P2RY8: variants seen among roughly 807,000 people sequenced by gnomAD.
P2RY8 encodes P2Y receptor family member 8, also known as S-geranylgeranyl-glutathione receptor P2RY8.
A neutral mutation model predicts 10.0 loss-of-function variants in P2RY8; 6 were observed. That is an observed-to-expected ratio of 0.60 (90% CI 0.33 to 1.19). The LOEUF is 1.19. Ranked by LOEUF, P2RY8 falls within the 50% of genes most tolerant of loss-of-function variation. P2RY8 has a pLI of 0.04. For synonymous variants in P2RY8, 276 were observed against 252.5 expected (o/e 1.09, Z -0.88); for missense variants, 456 against 542.0 (o/e 0.84, Z 1.58).
intron 1 of P2RY8, among the ~76,000 whole-genome samples, chrX:1,475,132 T>G (rs2091861177): frequency 6.6e-6 from 1 of 150,516 alleles, no homozygotes; most frequent in East Asian, 2.0e-4. Flanking sequence ...GGTGGATGGA[T>G]GGATCAGTGT....
chrX:1,480,315 T>A (rs372332238), intron 1 of P2RY8, among the ~76,000 whole-genome samples: 9 of 151,580 alleles, frequency 5.9e-5, no homozygotes, highest in African/African-American at 1.9e-4. Flanking sequence ...TTTTATTGGC[T>A]GAGTCAGAGT....
At chrX:1,469,571 C>A (rs1341227305) in intron 1 of P2RY8, among the ~76,000 whole-genome samples, 1 of 152,080 alleles carries the variant, frequency 6.6e-6, no homozygotes, top group Non-Finnish European at 1.5e-5. Flanking sequence ...TGTATCTCCT[C>A]CAGCCCTCTC....
Position 1,502,768 on chromosome X carries a change from A to T in P2RY8, c.-25+34153T>A, listed in dbSNP as rs1401376450. Among the ~76,000 whole-genome samples the T allele has an allele frequency of 6.6e-5, 10 of 152,292 alleles. No individual in the cohort carries two copies. The East Asian group carries it at 1.9e-3, about 29-fold the overall frequency. ...GCAATGACAGGTGTCCTTCTAAGAGACAGGAGAGGAGACACAGACACAGAG... is the reference window on the plus strand; with the variant it reads ...GCAATGACAGGTGTCCTTCTAAGAGTCAGGAGAGGAGACACAGACACAGAG... On this transcript the variant is annotated intron_variant, in intron 1 of 1. Coordinates refer to ENST00000381297, the MANE Select transcript of P2RY8 (RefSeq NM_178129.5).
At chrX:1,477,167 C>T (rs1215764211) in intron 1 of P2RY8, among the ~76,000 whole-genome samples, 8 of 149,116 alleles carry the variant, frequency 5.4e-5, no homozygotes, top group South Asian at 2.1e-4. Flanking sequence ...CCAGCCTGGG[C>T]GACAGAGCAA....
chrX:1,528,878 T>A (rs1351916379), intron 1 of P2RY8, among the ~76,000 whole-genome samples: 4 of 152,178 alleles, frequency 2.6e-5, no homozygotes, highest in African/African-American at 9.7e-5. Context: ...TTGAGTCTCT[T>A]TGAATGAGTT....
intron 1 of P2RY8, among the ~76,000 whole-genome samples, chrX:1,514,162 A>G (rs1289577478): frequency 6.6e-6 from 1 of 152,106 alleles, no homozygotes; most frequent in Admixed American, 6.6e-5. Context: ...ATCCAGGGCA[A>G]ACCAAGATGG....
intron 1 of P2RY8, among the ~76,000 whole-genome samples, chrX:1,495,917 C>T (rs377046089): frequency 0.2 from 21,372 of 107,900 alleles, 3,086 homozygotes; most frequent in East Asian, 0.37. Context: ...CACAGACACA[C>T]ACAGAGAGAT....
chrX:1,487,989 A>AATCCCAGCAACTTGGGAGGCTG (rs1457458308), intron 1 of P2RY8, among the ~76,000 whole-genome samples: 4 of 152,084 alleles, frequency 2.6e-5, no homozygotes, highest in Non-Finnish European at 5.9e-5. Context: ...GGGCGTCTGT[A>AATCCCAGCAACTTGGGAGGCTG]ATCCCAGCAA....
chrX:1,487,762 G>A (rs2091999300), intron 1 of P2RY8, among the ~76,000 whole-genome samples: 1 of 152,116 alleles, frequency 6.6e-6, no homozygotes, highest in Non-Finnish European at 1.5e-5. Flanking sequence ...CTGCTGGGCA[G>A]GTGCATTTGC....
At position 1,493,864 on chromosome X, in the gene P2RY8, C is replaced by T. The variant is rs1212377866; in HGVS notation, c.-24-27282G>A. Among the ~76,000 whole-genome samples, 3 of 152,302 alleles carry T rather than the reference C, an allele frequency of 2.0e-5. No individual in the cohort carries two copies. In the Middle Eastern group the frequency reaches 0.01, roughly 518 times the overall value. On this transcript the variant is annotated intron_variant, in intron 1 of 1. Coordinates refer to ENST00000381297, the MANE Select transcript of P2RY8 (RefSeq NM_178129.5). ...TTTAGGCCAACCTCAGCCCTCTCTG[C>T]GACCCTCGAGAGCTTGTGCAAATGG...
At chrX:1,535,683 G>T (rs1422557605) in intron 1 of P2RY8, among the ~76,000 whole-genome samples, 1 of 143,998 alleles carries the variant, frequency 6.9e-6, no homozygotes, top group Non-Finnish European at 1.5e-5. Flanking sequence ...AACAACATGG[G>T]AAGAAACAAC....
chrX:1,466,677 G>A (rs1224666189), intron 1 of P2RY8, 95 bp from the exon 2 acceptor site: 1 of 1,235,806 alleles, frequency 8.1e-7, no homozygotes, highest in East Asian at 2.4e-5. Context: ...CGGGGACCAA[G>A]GCGGGGGAGA....
Position 1,465,964 on chromosome X carries a change from T to C in P2RY8, c.595A>G (p.Ile199Val), listed in dbSNP as rs374787831. 1.3e-5 allele frequency: 21 copies of C among 1,612,190 alleles called. No homozygotes were observed. Among genetic ancestry groups the C allele is most frequent in the Non-Finnish European group, 1.7e-5 (20 of 1,179,784 alleles). ...MWAVFLFTIFILLFLIPFVIT... is the reference protein window; with the variant it reads ...MWAVFLFTIFVLLFLIPFVIT... ...ACGAACGGGATGAGGAACAGCAGGA[T>C]GAAGATGGTGAAGAGGAACACGGCC... The change falls in exon 2 of 2, where the codon ATC (isoleucine) becomes GTC (valine). Residue 199 changes from isoleucine (I) to valine (V), a missense_variant. Transcript: ENST00000381297.
chrX:1,511,592 C>A (rs2092298238), intron 1 of P2RY8, among the ~76,000 whole-genome samples: 1 of 152,140 alleles, frequency 6.6e-6, no homozygotes, highest in Non-Finnish European at 1.5e-5. Flanking sequence ...TGATCACAGC[C>A]CACTGCAGCC....
chrX:1,518,719 C>T (rs2092369582), intron 1 of P2RY8, among the ~76,000 whole-genome samples: 1 of 151,922 alleles, frequency 6.6e-6, no homozygotes, highest in Non-Finnish European at 1.5e-5. Context: ...TTCTCCCTGG[C>T]CGCCAATATT....
Position 1,482,448 on chromosome X carries a change from C to G in P2RY8, c.-24-15866G>C, listed in dbSNP as rs181274277. ...TTTAGCAGGTTATGGCAGACAGATTCATTTAACAGATGAGAGAGAGGTGAC... is the reference window on the plus strand; with the variant it reads ...TTTAGCAGGTTATGGCAGACAGATTGATTTAACAGATGAGAGAGAGGTGAC... On this transcript the variant is annotated intron_variant, in intron 1 of 1. Transcript: ENST00000381297. Among the ~76,000 whole-genome samples the G allele has an allele frequency of 1.5e-3, 233 of 152,164 alleles. 1 individual carries two copies. The highest frequency in any genetic ancestry group is 5.3e-3 in the African/African-American group (219 of 41,514).
At chrX:1,526,342 C>T (rs1309125369) in intron 1 of P2RY8, among the ~76,000 whole-genome samples, 1 of 152,068 alleles carries the variant, frequency 6.6e-6, no homozygotes, top group Non-Finnish European at 1.5e-5. Context: ...ATTCATCCAT[C>T]CATCCATCTA....
At position 1,465,996 on chromosome X, in the gene P2RY8, G is replaced by A. The variant is rs773457055; in HGVS notation, c.563C>T (p.Ala188Val). Residue 188 changes from alanine (A) to valine (V), a missense_variant, in exon 2 of 2, where the codon GCC becomes GTC. Coordinates refer to ENST00000381297, the MANE Select transcript of P2RY8 (RefSeq NM_178129.5). ...VLKWTMLPSVAMWAVFLFTIF... is the reference protein window; with the variant it reads ...VLKWTMLPSVVMWAVFLFTIF... ...GGTGAAGAGGAACACGGCCCACATG[G>A]CCACGCTGGGGAGCATCGTCCACTT... The A allele has an allele frequency of 6.2e-7, 1 of 1,612,198 alleles. No individual in the cohort carries two copies. Among genetic ancestry groups the A allele is most frequent in the South Asian group, 1.1e-5 (1 of 91,026 alleles).
At chrX:1,480,668 T>C (rs1174705042) in intron 1 of P2RY8, among the ~76,000 whole-genome samples, 1 of 151,698 alleles carries the variant, frequency 6.6e-6, no homozygotes, top group Non-Finnish European at 1.5e-5. Flanking sequence ...CCAGGGCCTG[T>C]CGGGGGGTGA....
Sources: gnomAD v4.1 joint callset for allele counts (sites outside exome capture counted in the v4.1 genomes callset) on GRCh38, gnomAD v4.1.1 for gene constraint, MANE v1.5 for transcripts, NCBI Gene and HGNC (gene_info 2026-07-23, HGNC 2026-07-21) for gene names.